HDAC4: variants seen among roughly 807,000 people sequenced by gnomAD.
The protein encoded by HDAC4 is histone deacetylase 4.
In HDAC4, 16 loss-of-function variants were observed where a neutral mutation model predicts 135.1. The ratio of observed to expected loss-of-function variants is 0.12; its 90% confidence interval spans 0.08 to 0.18. The LOEUF (loss-of-function observed/expected upper bound fraction) is 0.18, where lower values mean the gene tolerates loss of function less well. Ranked by LOEUF, HDAC4 falls within the 10% of genes least tolerant of loss-of-function variation. The pLI is 1.00. For synonymous variants in HDAC4, 685 were observed against 653.4 expected (o/e 1.05, Z -0.74); for missense variants, 1,143 against 1,511.8 (o/e 0.76, Z 4.05).
intron 1 of HDAC4, among the ~76,000 whole-genome samples, chr2:239,370,439 T>C (rs1228641772): frequency 2.0e-5 from 3 of 151,878 alleles, no homozygotes; most frequent in East Asian, 1.9e-4. Context: ...CTTAGCAGAC[T>C]TGTAAAACTG....
chr2:239,102,617 C>T lies in HDAC4; in HGVS notation c.2233+159G>A, dbSNP rs1165042813. 1.2e-5 allele frequency: 9 copies of T among 762,294 alleles called. No homozygotes were observed. The Admixed American group carries it at 2.1e-4, about 18-fold the overall frequency. 47.2% of individuals were successfully genotyped at this position (762,294 alleles called of 1,614,324 possible). A position where few individuals can be genotyped will look rare whatever the true frequency, so the allele number is the denominator to read the frequency against. ...TGGCACGTTCATCAACAACCAGTGG[C>T]TTGTGAACAGAGGGTGAAAGGTTCC... On this transcript the variant is annotated intron_variant, in intron 16 of 26. Transcript: ENST00000543185.
intron 8 of HDAC4, among the ~76,000 whole-genome samples, chr2:239,140,312 T>C (rs1314746873): frequency 6.6e-6 from 1 of 152,204 alleles, no homozygotes; most frequent in African/African-American, 2.4e-5. Context: ...TCCGTGCTAC[T>C]GGAAAACACA....
chr2:239,118,401 G>A (rs897860462), intron 12 of HDAC4, among the ~76,000 whole-genome samples: 17 of 152,216 alleles, frequency 1.1e-4, no homozygotes, highest in South Asian at 2.1e-4. Flanking sequence ...GCCGGCCATC[G>A]GCAGTGTGGG....
At chr2:239,150,886 C>G (rs1299494436) in intron 7 of HDAC4, among the ~76,000 whole-genome samples, 2 of 147,340 alleles carry the variant, frequency 1.4e-5, no homozygotes, top group African/African-American at 5.4e-5. Flanking sequence ...GTATGTACCA[C>G]ACCTTCACAT....
intron 2 of HDAC4, among the ~76,000 whole-genome samples, chr2:239,257,080 T>C (rs957191723): frequency 2.0e-5 from 3 of 152,244 alleles, no homozygotes; most frequent in Admixed American, 2.0e-4. Context: ...TAAGCATTCC[T>C]ATAAACCCTT....
chr2:239,316,831 G>A (rs1406581357), intron 2 of HDAC4, among the ~76,000 whole-genome samples: 6 of 152,180 alleles, frequency 3.9e-5, no homozygotes. Flanking sequence ...AGCAGGGGTA[G>A]GGGACCCGCT....
intron 2 of HDAC4, among the ~76,000 whole-genome samples, chr2:239,258,077 G>A (rs1191818709): frequency 6.6e-6 from 1 of 152,202 alleles, no homozygotes; most frequent in African/African-American, 2.4e-5. Flanking sequence ...TGATTTCTAT[G>A]TTTAAGAAGA....
In HDAC4 at chr2:239,095,092, G is replaced by A. The variant is rs370144646; in HGVS notation, c.2234-36C>T. 8 of 1,613,146 alleles carry A rather than the reference G, an allele frequency of 5.0e-6. No individual in the cohort carries two copies. The Admixed American group carries it at 1.2e-4, about 24-fold the overall frequency. ...GAGGGAGACGGTCAGAGAGGCCAAG[G>A]GCACGCGGCCAAGGTGCTCGACAGG... On this transcript the variant is annotated intron_variant, in intron 16 of 26. Transcript: ENST00000543185.
intron 5 of HDAC4, among the ~76,000 whole-genome samples, chr2:239,170,167 C>CA (rs2152987744): frequency 6.6e-6 from 1 of 152,290 alleles, no homozygotes; most frequent in East Asian, 1.9e-4. Flanking sequence ...ACTAAAAACT[C>CA]AGAGAGTGCA....
intron 16 of HDAC4, among the ~76,000 whole-genome samples, chr2:239,101,273 C>T (rs907031557): frequency 9.8e-5 from 15 of 152,340 alleles, no homozygotes; most frequent in African/African-American, 2.4e-4. Context: ...AGAGCCCATG[C>T]GTGTCCTCAC....
chr2:239,343,815 T>C (rs1692451096), intron 2 of HDAC4, among the ~76,000 whole-genome samples: 1 of 152,236 alleles, frequency 6.6e-6, no homozygotes, highest in Non-Finnish European at 1.5e-5. Flanking sequence ...ATTCTAGCGG[T>C]GCCAGATTGG....
At chr2:239,064,389 C>G (rs150212575) in intron 24 of HDAC4, among the ~76,000 whole-genome samples, 5 of 152,174 alleles carry the variant, frequency 3.3e-5, no homozygotes, top group Admixed American at 2.0e-4. Flanking sequence ...CCACTTCTGG[C>G]GCAGGGGGAG....
At chr2:239,326,059 C>CGT (rs2053461023) in intron 2 of HDAC4, among the ~76,000 whole-genome samples, 1 of 152,116 alleles carries the variant, frequency 6.6e-6, no homozygotes, top group South Asian at 2.1e-4. Context: ...GACTCAGAGA[C>CGT]GTGTGTACAC....
Position 239,167,357 on chromosome 2 carries a change from G to A in HDAC4, c.491-3434C>T, listed in dbSNP as rs1400019996. ...AAAGGGTGACTTGGCCACAAGCCTGGGTCCTGCCTGGCTCCCTCTATGCAG... is the reference window on the plus strand; with the variant it reads ...AAAGGGTGACTTGGCCACAAGCCTGAGTCCTGCCTGGCTCCCTCTATGCAG... On this transcript the variant is annotated intron_variant, in intron 5 of 26. Coordinates refer to ENST00000543185, the MANE Select transcript of HDAC4 (RefSeq NM_001378414.1). This position sits in a 1 kb window ranked among gnomAD's most constrained non-coding sequence, Gnocchi z 4.1. Among the ~76,000 whole-genome samples, 1 of 152,176 alleles carries A rather than the reference G, an allele frequency of 6.6e-6. No individual in the cohort carries two copies. The highest frequency in any genetic ancestry group is 1.5e-5 in the Non-Finnish European group (1 of 68,040).
chr2:239,368,202 G>T (rs6749737), intron 1 of HDAC4, among the ~76,000 whole-genome samples: 1 of 152,086 alleles, frequency 6.6e-6, no homozygotes, highest in African/African-American at 2.4e-5. Context: ...GAAGGGCTCC[G>T]GAGTTTGAGA....
intron 1 of HDAC4, among the ~76,000 whole-genome samples, chr2:239,359,764 T>C (rs1693741486): frequency 6.6e-6 from 1 of 152,046 alleles, no homozygotes; most frequent in Non-Finnish European, 1.5e-5. Context: ...CAGTGGGAGC[T>C]GCGATTTAGA....
chr2:239,179,700 G>C (rs1305984776), intron 4 of HDAC4, among the ~76,000 whole-genome samples: 1 of 152,234 alleles, frequency 6.6e-6, no homozygotes, highest in Non-Finnish European at 1.5e-5. Context: ...TGAGGGGTAG[G>C]AAAGCAGATG....
chr2:239,148,254 T>G, intron 7 of HDAC4, among the ~76,000 whole-genome samples: 1 of 151,840 alleles, frequency 6.6e-6, no homozygotes, highest in East Asian at 1.9e-4. Flanking sequence ...GGACAAAAAC[T>G]AAAGTGCAGA....
chr2:239,100,665 G>GT (rs1161430514), intron 16 of HDAC4, among the ~76,000 whole-genome samples: 12 of 152,174 alleles, frequency 7.9e-5, no homozygotes, highest in African/African-American at 2.9e-4. Context: ...GTGATTAGCC[G>GT]TGAGTGCCAG....
Sources: allele counts gnomAD v4.1 joint callset (sites outside exome capture counted in the v4.1 genomes callset), GRCh38; gene constraint gnomAD v4.1.1; non-coding constraint Gnocchi (gnomAD v3.1); transcripts MANE v1.5; gene names NCBI Gene and HGNC (gene_info 2026-07-23, HGNC 2026-07-21).